Variants in KCNMA1 observed in about 807,000 individuals in gnomAD.
KCNMA1 encodes Calcium-activated potassium channel subunit alpha-1.
Under a neutral mutation model 140.0 loss-of-function variants are expected in KCNMA1, and 29 were observed. The observed-to-expected ratio is 0.21, with a 90% CI of 0.15 to 0.28. KCNMA1 has a LOEUF of 0.28. Among genes scored for constraint, KCNMA1 ranks in the 10% least tolerant of loss-of-function variants. The pLI, the probability that KCNMA1 is intolerant of heterozygous loss-of-function variation, is 1.00. For synonymous variants in KCNMA1, 612 were observed against 611.9 expected (o/e 1.00, Z 0.00); for missense variants, 880 against 1,602.2 (o/e 0.55, Z 7.70).
chr10:76,887,804 C>T (rs1382668926), intron 27 of KCNMA1: 1 of 440,982 alleles, frequency 2.3e-6, no homozygotes, highest in Non-Finnish European at 4.2e-6. Context: ...CCTTTCTATA[C>T]AAGGTCAAAG....
chr10:77,016,989 T>C (rs1373438650), intron 17 of KCNMA1, among the ~76,000 whole-genome samples: 1 of 152,198 alleles, frequency 6.6e-6, no homozygotes, highest in Non-Finnish European at 1.5e-5. Flanking sequence ...CTTCATCTAT[T>C]TGAGATCCCC....
intron 5 of KCNMA1, among the ~76,000 whole-genome samples, chr10:77,164,298 G>C (rs765253819): frequency 6.6e-6 from 1 of 152,144 alleles, no homozygotes; most frequent in Non-Finnish European, 1.5e-5. Context: ...GTCTGCTCAA[G>C]GTCTTTGGCA....
At chr10:77,376,909 G>C (rs1258168975) in intron 2 of KCNMA1, among the ~76,000 whole-genome samples, 1 of 151,590 alleles carries the variant, frequency 6.6e-6, no homozygotes, top group Non-Finnish European at 1.5e-5. Context: ...CTGCACTCCA[G>C]CCTGGGTGAC....
chr10:77,312,843 G>A (rs1469340552), intron 2 of KCNMA1, among the ~76,000 whole-genome samples: 1 of 152,144 alleles, frequency 6.6e-6, no homozygotes. Context: ...GCATGAAGAA[G>A]CAGCAACTCA....
At chr10:77,244,869 C>T (rs2058202280) in intron 3 of KCNMA1, among the ~76,000 whole-genome samples, 1 of 152,142 alleles carries the variant, frequency 6.6e-6, no homozygotes, top group East Asian at 1.9e-4. Context: ...TCTCTTCCAC[C>T]ATCCCTGAGT....
intron 10 of KCNMA1, 46 bp from the exon 11 acceptor site, chr10:77,086,639 G>A (rs764825848): frequency 7.2e-7 from 1 of 1,383,792 alleles, no homozygotes; most frequent in Non-Finnish European, 1.0e-6. Flanking sequence ...TGGACTCGGG[G>A]GTTTCAGCCT....
At chr10:76,914,335 A>C (rs2051742493) in intron 24 of KCNMA1, 1 of 570,080 alleles carries the variant, frequency 1.8e-6, no homozygotes, top group Admixed American at 3.2e-5. Flanking sequence ...TGCCATGGCC[A>C]GGTTAGAAGT....
At chr10:77,474,107 T>G (rs998727522) in intron 1 of KCNMA1, among the ~76,000 whole-genome samples, 1 of 152,168 alleles carries the variant, frequency 6.6e-6, no homozygotes, top group African/African-American at 2.4e-5. Context: ...CCTTGATCAT[T>G]CACCAAGACT....
chr10:76,923,590 C>A (rs2056711388), intron 23 of KCNMA1, among the ~76,000 whole-genome samples: 1 of 152,160 alleles, frequency 6.6e-6, no homozygotes, highest in South Asian at 2.1e-4. Context: ...CTAATATTCA[C>A]CCGGTCTAAT....
In KCNMA1 at chr10:77,007,665, A is replaced by G. The variant is rs1010364549; in HGVS notation, c.2092+4302T>C. On this transcript the variant is annotated intron_variant, in intron 18 of 27. Coordinates refer to ENST00000286628, the MANE Select transcript of KCNMA1 (RefSeq NM_001161352.2). Reference sequence around the variant, plus strand: ...ATATTGTGTGTGTGTATATATATATATATATATATATGTATCACAACATGG... The same window carrying G: ...ATATTGTGTGTGTGTATATATATATGTATATATATATGTATCACAACATGG... Among the ~76,000 whole-genome samples, 57 of 143,662 alleles carry G rather than the reference A, an allele frequency of 4.0e-4. 2 individuals are homozygous for G. Among genetic ancestry groups the G allele is most frequent in the African/African-American group, 1.2e-3 (48 of 38,974 alleles). 94.2% of individuals were successfully genotyped at this position (143,662 alleles called of 152,430 possible). A position where few individuals can be genotyped will look rare whatever the true frequency, so the allele number is the denominator to read the frequency against.
chr10:77,399,435 A>G (rs2096187653), intron 2 of KCNMA1, among the ~76,000 whole-genome samples: 1 of 152,206 alleles, frequency 6.6e-6, no homozygotes, highest in Non-Finnish European at 1.5e-5. Context: ...GAAAATAAAC[A>G]TTTGTTTAGT....
chr10:77,429,439 T>C (rs887223023), intron 1 of KCNMA1, among the ~76,000 whole-genome samples: 2 of 152,180 alleles, frequency 1.3e-5, no homozygotes, highest in African/African-American at 4.8e-5. Flanking sequence ...TCTCCCAACA[T>C]GGCCAAACGT....
chr10:77,032,756 A>G (rs1375565822), intron 15 of KCNMA1, among the ~76,000 whole-genome samples: 1 of 151,540 alleles, frequency 6.6e-6, no homozygotes, highest in Admixed American at 6.6e-5. Context: ...TACTGCCAAC[A>G]TCATCTGTTA....
chr10:76,912,681 C>T (rs1311831708), intron 24 of KCNMA1: 5 of 152,162 alleles, frequency 3.3e-5, no homozygotes, highest in Admixed American at 6.5e-5. Flanking sequence ...TTCCTTTTCT[C>T]GTCTACTAAT....
Position 77,107,339 on chromosome 10 carries a change from G to A in KCNMA1, c.1223+1142C>T, listed in dbSNP as rs763430108. 3.7e-4 allele frequency among the ~76,000 whole-genome samples: 56 copies of A among 152,280 alleles called. 1 individual carries two copies. The highest frequency in any genetic ancestry group is 7.7e-4 in the East Asian group (4 of 5,180). ...ATGAAAGTTTTCTGTGTCCTGATCC[G>A]GATGGTAGGATGATAGTGACTGGGT... On this transcript the variant is annotated intron_variant, in intron 9 of 27. Coordinates refer to ENST00000286628, the MANE Select transcript of KCNMA1 (RefSeq NM_001161352.2).
At position 77,514,047 on chromosome 10, in the gene KCNMA1, A is replaced by C. The variant is rs2049375553; in HGVS notation, c.379-110024T>G. ...CAGAGCACCACCCGTGCCTATCTTT[A>C]GAAGTTTCGCAGGCTGAAAAATCAA... is the stretch of plus-strand genomic sequence containing the variant. On this transcript the variant is annotated intron_variant, in intron 1 of 27. Coordinates refer to ENST00000286628, the MANE Select transcript of KCNMA1 (RefSeq NM_001161352.2). 2.0e-5 allele frequency among the ~76,000 whole-genome samples: 3 copies of C among 152,264 alleles called. No individual in the cohort carries two copies. In the South Asian group the frequency reaches 6.2e-4, roughly 31 times the overall value.
At chr10:77,133,601 C>CCACAAACAATA (rs1554858256) in intron 5 of KCNMA1, among the ~76,000 whole-genome samples, 1 of 145,420 alleles carries the variant, frequency 6.9e-6, no homozygotes, top group Non-Finnish European at 1.6e-5. Flanking sequence ...AAGAAACAAT[C>CCACAAACAATA]CACAAAGAAT....
intron 1 of KCNMA1, among the ~76,000 whole-genome samples, chr10:77,575,170 G>A (rs900238495): frequency 5.9e-5 from 9 of 152,062 alleles, no homozygotes; most frequent in African/African-American, 1.2e-4. Flanking sequence ...AGAACGAGCC[G>A]GCCAGCTCCC....
chr10:76,918,892 A>G (rs1204884572), intron 23 of KCNMA1, among the ~76,000 whole-genome samples: 1 of 149,398 alleles, frequency 6.7e-6, no homozygotes, highest in Non-Finnish European at 1.5e-5. Flanking sequence ...ATATATATAT[A>G]TACACACACA....
Sources: allele counts gnomAD v4.1 joint callset (sites outside exome capture counted in the v4.1 genomes callset), GRCh38; gene constraint gnomAD v4.1.1; transcripts MANE v1.5; gene names NCBI Gene and HGNC (gene_info 2026-07-23, HGNC 2026-07-21).